SLCO5A1: variants seen among roughly 807,000 people sequenced by gnomAD.
SLCO5A1 encodes the protein solute carrier organic anion transporter family member 5A1.
In SLCO5A1, 39 loss-of-function variants were observed where a neutral mutation model predicts 65.1. The ratio of observed to expected loss-of-function variants is 0.60; its 90% CI spans 0.46 to 0.78. SLCO5A1 has a LOEUF of 0.78. SLCO5A1 is among the 30% of genes least tolerant of loss of function. SLCO5A1 has a pLI of 0.00. For synonymous variants in SLCO5A1, 438 were observed against 415.7 expected, an observed-to-expected ratio of 1.05 and a Z score of -0.65; for missense variants, 1,029 against 1,069.4, an observed-to-expected ratio of 0.96 and a Z score of 0.53.
intron 5 of SLCO5A1, among the ~76,000 whole-genome samples, chr8:69,721,471 C>T (rs1159390308): frequency 6.6e-6 from 1 of 152,178 alleles, no homozygotes; most frequent in Admixed American, 6.5e-5. Flanking sequence ...CACCTCGAAT[C>T]ATTGGCTAAT....
chr8:69,803,172 T>A (rs1586817926), intron 2 of SLCO5A1, among the ~76,000 whole-genome samples: 1 of 152,096 alleles, frequency 6.6e-6, no homozygotes, highest in Admixed American at 6.6e-5. Context: ...TCCCAGCACT[T>A]TGGGAGGCCA....
At chr8:69,731,050 T>G (rs1816315411) in intron 5 of SLCO5A1, among the ~76,000 whole-genome samples, 1 of 151,286 alleles carries the variant, frequency 6.6e-6, no homozygotes, top group Non-Finnish European at 1.5e-5. Context: ...CAGGCTGGAG[T>G]GCAGTAGCAC....
At chr8:69,816,033 T>A (rs1047212682) in intron 2 of SLCO5A1, among the ~76,000 whole-genome samples, 21 of 152,218 alleles carry the variant, frequency 1.4e-4, no homozygotes, top group African/African-American at 4.6e-4. Flanking sequence ...TCCATCCATA[T>A]ATTCAATACT....
At chr8:69,726,136 A>C (rs998172253) in intron 5 of SLCO5A1, among the ~76,000 whole-genome samples, 6 of 152,254 alleles carry the variant, frequency 3.9e-5, no homozygotes, top group Non-Finnish European at 8.8e-5. Flanking sequence ...GGACTGTGCT[A>C]TTAATCATCA....
chr8:69,767,039 T>C (rs184654131), intron 2 of SLCO5A1, among the ~76,000 whole-genome samples: 3 of 152,370 alleles, frequency 2.0e-5, no homozygotes, highest in African/African-American at 7.2e-5. Context: ...TGCAGTGAAC[T>C]TGATAAATTT....
rs142525214 is a variant in SLCO5A1, at chr8:69,673,087, G to C, written c.2329C>G (p.Leu777Val). The C allele has an allele frequency of 1.1e-5, 17 of 1,614,098 alleles. No homozygotes were observed. The highest frequency in any genetic ancestry group is 1.4e-5 in the Non-Finnish European group (16 of 1,180,046). ...CCCACTCTCTCACTCACGGTGCTCA[G>C]GGGAAATTCTCTCTGCCTCCGCCTC... The part of the protein sequence containing the change: ...LQRRRQREFP[L>V]STVSERVGHP... Residue 777 changes from leucine (L) to valine (V), a missense_variant, in exon 10 of 10, where the codon CTG becomes GTG. Coordinates refer to ENST00000260126, the MANE Select transcript of SLCO5A1 (RefSeq NM_030958.3).
At chr8:69,733,457 C>T (rs1194305347) in intron 5 of SLCO5A1, among the ~76,000 whole-genome samples, 1 of 152,302 alleles carries the variant, frequency 6.6e-6, no homozygotes, top group Admixed American at 6.5e-5. Flanking sequence ...TTGACCAAAG[C>T]CATGCAACTA....
chr8:69,829,780 T>C (rs75969200), intron 2 of SLCO5A1, among the ~76,000 whole-genome samples: 1,780 of 152,342 alleles, frequency 0.012, 32 homozygotes, highest in African/African-American at 0.039. Context: ...TTCCTTAGGA[T>C]GTTGATGTTC....
rs2130778784 is a variant in SLCO5A1, at chr8:69,669,132, A to G, written c.*3737T>C. On this transcript the variant is annotated 3_prime_UTR_variant, in exon 10 of 10. Transcript: ENST00000260126. ...CTAGATTTGTTCTGTATTAAATATGAACTATAAATAAATATTTGAGGTATG... is the reference window on the plus strand; with the variant it reads ...CTAGATTTGTTCTGTATTAAATATGGACTATAAATAAATATTTGAGGTATG... The G allele has an allele frequency of 6.6e-6, 1 of 152,330 alleles. No homozygotes were observed. Among genetic ancestry groups the G allele is most frequent in the East Asian group, 1.9e-4 (1 of 5,180 alleles). 9.4% of individuals were successfully genotyped at this position (152,330 alleles called of 1,614,324 possible). A position where few individuals can be genotyped will look rare whatever the true frequency, so the allele number is the denominator to read the frequency against.
intron 2 of SLCO5A1, among the ~76,000 whole-genome samples, chr8:69,773,962 T>C (rs139747324): frequency 2.0e-3 from 302 of 152,366 alleles, no homozygotes; most frequent in African/African-American, 5.5e-3. Context: ...TCACCCACCC[T>C]GCTGCAGTTT....
At chr8:69,683,223 C>T (rs1023833126) in intron 6 of SLCO5A1, among the ~76,000 whole-genome samples, 9 of 152,094 alleles carry the variant, frequency 5.9e-5, no homozygotes, top group Non-Finnish European at 7.4e-5. Flanking sequence ...CTGTACTGCT[C>T]GTACCCCATG....
At chr8:69,765,817 G>T (rs796684277) in intron 2 of SLCO5A1, among the ~76,000 whole-genome samples, 11 of 152,042 alleles carry the variant, frequency 7.2e-5, no homozygotes, top group African/African-American at 2.7e-4. Context: ...ACCATACTCT[G>T]CCTGGGCCTT....
chr8:69,787,329 G>A (rs901286615), intron 2 of SLCO5A1, among the ~76,000 whole-genome samples: 2 of 152,188 alleles, frequency 1.3e-5, no homozygotes, highest in African/African-American at 2.4e-5. Flanking sequence ...TTGCAATTGA[G>A]TAGTGTCCGG....
intron 6 of SLCO5A1, among the ~76,000 whole-genome samples, chr8:69,696,949 T>A (rs1263056022): frequency 3.3e-5 from 5 of 151,972 alleles, no homozygotes; most frequent in Non-Finnish European, 7.4e-5. Flanking sequence ...TAAAAAAATC[T>A]CTCATAGCAA....
At chr8:69,691,998 C>G (rs1367381415) in intron 6 of SLCO5A1, among the ~76,000 whole-genome samples, 1 of 152,148 alleles carries the variant, frequency 6.6e-6, no homozygotes, top group Non-Finnish European at 1.5e-5. Flanking sequence ...CCTGTAATCC[C>G]AGCACTTTGG....
At chr8:69,740,093 C>T (rs1816733059) in intron 4 of SLCO5A1, among the ~76,000 whole-genome samples, 1 of 152,190 alleles carries the variant, frequency 6.6e-6, no homozygotes. Flanking sequence ...TAACTAAAAA[C>T]ATGCATGATG....
chr8:69,754,004 CA>C (rs71556780), intron 4 of SLCO5A1, among the ~76,000 whole-genome samples: 19,316 of 73,534 alleles, frequency 0.26, 1,210 homozygotes, highest in African/African-American at 0.38. Context: ...TGACCTATCT[CA>C]AAAAAAAAAA....
intron 5 of SLCO5A1, among the ~76,000 whole-genome samples, chr8:69,722,776 GGTGT>G (rs56353428): frequency 0.015 from 2,289 of 148,102 alleles, 28 homozygotes; most frequent in Middle Eastern, 0.056. Context: ...ACACATGCAT[GGTGT>G]GTGTGTGTGT....
chr8:69,820,580 C>T (rs773336828), intron 2 of SLCO5A1, among the ~76,000 whole-genome samples: 3 of 152,086 alleles, frequency 2.0e-5, no homozygotes, highest in African/African-American at 7.2e-5. Flanking sequence ...CACTTGTAAT[C>T]CCATCACTTT....
Sources: allele counts gnomAD v4.1 joint callset (sites outside exome capture counted in the v4.1 genomes callset), GRCh38; gene constraint gnomAD v4.1.1; transcripts MANE v1.5; gene names NCBI Gene and HGNC (gene_info 2026-07-23, HGNC 2026-07-21).